Variants in CPQ observed in about 807,000 individuals in gnomAD.
The protein encoded by CPQ is Ser-Met dipeptidase.
In CPQ, 37 loss-of-function variants were observed where a neutral mutation model predicts 45.7. The ratio of observed to expected loss-of-function variants is 0.81; its 90% CI spans 0.62 to 1.07. The LOEUF is 1.07. CPQ is among the 50% of genes least tolerant of loss of function. The pLI is 0.00. For missense variants in CPQ, 537 were observed against 572.9 expected, an observed-to-expected ratio of 0.94 and a Z score of 0.64; for synonymous variants, 186 against 205.8, an observed-to-expected ratio of 0.90 and a Z score of 0.82.
intron 7 of CPQ, among the ~76,000 whole-genome samples, chr8:97,067,539 C>G (rs1453053669): frequency 6.6e-6 from 1 of 152,020 alleles, no homozygotes; most frequent in Non-Finnish European, 1.5e-5. Flanking sequence ...TTCCAGGCTG[C>G]AAAGTAGATT....
At chr8:96,792,747 A>T (rs1404675584) in intron 2 of CPQ, among the ~76,000 whole-genome samples, 1 of 152,126 alleles carries the variant, frequency 6.6e-6, no homozygotes, top group Non-Finnish European at 1.5e-5. Flanking sequence ...TTGGGGTATT[A>T]TTCACTTGTA....
At chr8:96,782,529 T>C (rs897419605) in intron 1 of CPQ, among the ~76,000 whole-genome samples, 4 of 152,122 alleles carry the variant, frequency 2.6e-5, no homozygotes, top group Non-Finnish European at 4.4e-5. Context: ...GCCTTTGCGG[T>C]CATTTTCTTA....
chr8:97,035,623 T>C (rs1809988236), intron 6 of CPQ, among the ~76,000 whole-genome samples: 1 of 152,202 alleles, frequency 6.6e-6, no homozygotes, highest in Non-Finnish European at 1.5e-5. Context: ...AAATCCTGAC[T>C]CCTCTCCTAA....
rs186401297 is a variant in CPQ at position 96,783,637 on chromosome 8, T to C, written c.-34-1227T>C. 2.3e-3 allele frequency among the ~76,000 whole-genome samples: 348 copies of C among 152,290 alleles called. 4 individuals are homozygous for C. Among genetic ancestry groups the C allele is most frequent in the African/African-American group, 8.2e-3 (340 of 41,560 alleles). Reference sequence around the variant, plus strand: ...AAACATTCAAACAATAGCAGACATATAGTTTATAAAAAAGTGTCTAAACCA... The same window carrying C: ...AAACATTCAAACAATAGCAGACATACAGTTTATAAAAAAGTGTCTAAACCA... On this transcript the variant is annotated intron_variant, in intron 1 of 7. Transcript: ENST00000220763.
At chr8:96,808,958 G>T (rs1811123300) in intron 2 of CPQ, among the ~76,000 whole-genome samples, 1 of 152,102 alleles carries the variant, frequency 6.6e-6, no homozygotes, top group Non-Finnish European at 1.5e-5. Flanking sequence ...TGTTTTACAG[G>T]GTTGCTATAA....
chr8:97,028,555 G>A (rs1416370183), intron 5 of CPQ, among the ~76,000 whole-genome samples: 1 of 152,214 alleles, frequency 6.6e-6, no homozygotes, highest in Non-Finnish European at 1.5e-5. Context: ...TTATCAGTCT[G>A]AGTCAGAACA....
chr8:96,841,911 A>AT (rs1811617659), intron 3 of CPQ, among the ~76,000 whole-genome samples: 1 of 152,238 alleles, frequency 6.6e-6, no homozygotes, highest in African/African-American at 2.4e-5. Flanking sequence ...TACTTAATTA[A>AT]TACAGAGTTG....
At chr8:96,882,608 G>A (rs959287659) in intron 4 of CPQ, among the ~76,000 whole-genome samples, 1 of 152,146 alleles carries the variant, frequency 6.6e-6, no homozygotes, top group Admixed American at 6.5e-5. Flanking sequence ...CAGCTATGGA[G>A]TCTCAGAATC....
At chr8:97,004,541 C>T (rs1354746883) in intron 5 of CPQ, among the ~76,000 whole-genome samples, 1 of 152,012 alleles carries the variant, frequency 6.6e-6, no homozygotes, top group Non-Finnish European at 1.5e-5. Context: ...ACTAATTTTA[C>T]TTCTCATAAA....
At chr8:96,825,550 A>G (rs1265378316) in intron 2 of CPQ, among the ~76,000 whole-genome samples, 1 of 152,052 alleles carries the variant, frequency 6.6e-6, no homozygotes, top group Admixed American at 6.6e-5. Flanking sequence ...TTGTAACAGA[A>G]TTAACATCAA....
At chr8:96,785,631 T>C (rs921599303) in intron 2 of CPQ, among the ~76,000 whole-genome samples, 4 of 152,170 alleles carry the variant, frequency 2.6e-5, no homozygotes, top group East Asian at 1.9e-4. Context: ...CTATAGATAA[T>C]TGAAATATAC....
intron 1 of CPQ, among the ~76,000 whole-genome samples, chr8:96,682,429 T>C (rs1263555618): frequency 6.6e-6 from 1 of 152,246 alleles, no homozygotes; most frequent in African/African-American, 2.4e-5. Context: ...CTCCTTGCCT[T>C]CTGCCATGAT....
At chr8:96,917,172 T>A (rs965338228) in intron 4 of CPQ, among the ~76,000 whole-genome samples, 2 of 152,096 alleles carry the variant, frequency 1.3e-5, no homozygotes, top group Non-Finnish European at 2.9e-5. Flanking sequence ...AAAAACAAGA[T>A]GGCATTATAC....
intron 5 of CPQ, among the ~76,000 whole-genome samples, chr8:96,989,111 G>A (rs1809041619): frequency 6.6e-6 from 1 of 152,154 alleles, no homozygotes; most frequent in Admixed American, 6.5e-5. Context: ...AGGCAGAGGT[G>A]ATTCCTATCA....
At chr8:96,718,351 G>A (rs1809712688) in intron 1 of CPQ, among the ~76,000 whole-genome samples, 1 of 152,180 alleles carries the variant, frequency 6.6e-6, no homozygotes, top group African/African-American at 2.4e-5. Flanking sequence ...TCTGATGTTC[G>A]GAGTTTCTTC....
At chr8:96,646,604 G>A (rs1365636090) in intron 1 of CPQ, among the ~76,000 whole-genome samples, 2 of 152,220 alleles carry the variant, frequency 1.3e-5, no homozygotes, top group Non-Finnish European at 2.9e-5. Context: ...GTTGGTCACT[G>A]CAGCCGTTCT....
intron 6 of CPQ, among the ~76,000 whole-genome samples, chr8:97,045,613 C>G (rs887247600): frequency 6.6e-6 from 1 of 152,224 alleles, no homozygotes. Context: ...CAGAGCTGTT[C>G]CTATTCAGCC....
At chr8:97,064,798 C>G (rs1810610838) in intron 6 of CPQ, among the ~76,000 whole-genome samples, 1 of 152,102 alleles carries the variant, frequency 6.6e-6, no homozygotes, top group South Asian at 2.1e-4. Context: ...ATTCTAAATG[C>G]AGAACAAGTA....
At chr8:97,028,048 C>T (rs1318144967) in intron 5 of CPQ, among the ~76,000 whole-genome samples, 3 of 152,124 alleles carry the variant, frequency 2.0e-5, no homozygotes, top group Non-Finnish European at 4.4e-5. Context: ...TTTATATGGA[C>T]TTAGATGGAA....
Sources: gnomAD v4.1 joint callset for allele counts (sites outside exome capture counted in the v4.1 genomes callset) on GRCh38, gnomAD v4.1.1 for gene constraint, MANE v1.5 for transcripts, NCBI Gene and HGNC (gene_info 2026-07-23, HGNC 2026-07-21) for gene names.